Variants in WDR33 observed in about 807,000 individuals in gnomAD.
WDR33 encodes pre-mRNA 3' end processing protein WDR33.
Under a neutral mutation model 164.9 loss-of-function variants are expected in WDR33, and 47 were observed. The ratio of observed to expected loss-of-function variants is 0.29; its 90% CI spans 0.23 to 0.36. The LOEUF is 0.36. WDR33 is among the 10% of genes least tolerant of loss of function. WDR33 has a pLI of 1.00. For synonymous variants in WDR33, 505 were observed against 589.0 expected (o/e 0.86, Z 2.06); for missense variants, 1,137 against 1,754.1 (o/e 0.65, Z 6.28).
chr2:127,802,297 C>T (rs1248329560), intron 1 of WDR33, among the ~76,000 whole-genome samples: 1 of 152,030 alleles, frequency 6.6e-6, no homozygotes, highest in East Asian at 1.9e-4. Context: ...AGAATATACA[C>T]AGTAAAAACT....
Position 127,713,812 on chromosome 2 carries a change from G to A in WDR33, c.3079C>T (p.His1027Tyr). The A allele has an allele frequency of 6.2e-7, 1 of 1,614,246 alleles. No homozygotes were observed. Among genetic ancestry groups the A allele is most frequent in the Non-Finnish European group, 8.5e-7 (1 of 1,180,042 alleles). ...CGCCCCTCAAATTCACGTAACCGGT[G>A]GCCAAAGCGCTTGTCAGGGTGGAAG... ...DDFHPDKRFGHRLREFEGRGG... is the reference protein window; with the variant it reads ...DDFHPDKRFGYRLREFEGRGG... The change falls in exon 18 of 22, where the codon CAC becomes TAC. Residue 1027 changes from histidine (H) to tyrosine (Y), a missense_variant. Coordinates refer to ENST00000322313, the MANE Select transcript of WDR33 (RefSeq NM_018383.5). The surrounding 1 kb of genome is among the most constrained non-coding windows in gnomAD (Gnocchi z 6.2).
intron 7 of WDR33, among the ~76,000 whole-genome samples, chr2:127,759,195 T>C (rs1687606016): frequency 6.6e-6 from 1 of 152,216 alleles, no homozygotes; most frequent in Non-Finnish European, 1.5e-5. Context: ...GACATATACA[T>C]AGTGCTTCTC....
intron 7 of WDR33, among the ~76,000 whole-genome samples, chr2:127,730,472 AC>A (rs10715908): frequency 0.04 from 6,100 of 151,928 alleles, 362 homozygotes; most frequent in African/African-American, 0.13. Flanking sequence ...TTAAAAAAAA[AC>A]CTTTGATATG....
At chr2:127,762,637 AACACTAAG>A in intron 7 of WDR33, 1 of 988,818 alleles carries the variant, frequency 1.0e-6, no homozygotes, top group Non-Finnish European at 1.2e-6. Flanking sequence ...CAAAAATAGT[AACACTAAG>A]AAGTGTAGCT....
chr2:127,796,247 A>G (rs1457098953), intron 1 of WDR33, among the ~76,000 whole-genome samples: 2 of 151,560 alleles, frequency 1.3e-5, no homozygotes, highest in East Asian at 1.9e-4. Context: ...TAATTTTTGT[A>G]TATTTTTTTA....
chr2:127,711,768 A>ATTTTTTTTTTTTTT lies in WDR33; in HGVS notation c.3308+1814_3308+1815insAAAAAAAAAAAAAA, dbSNP rs1441301170. ...CATATACAGATATATATATATATAT[A>ATTTTTTTTTTTTTT]TATATATATATATTTTTTTTTTGAG... On this transcript the variant is annotated intron_variant, in intron 18 of 21. Transcript: ENST00000322313. Among the ~76,000 whole-genome samples the ATTTTTTTTTTTTTT allele has an allele frequency of 3.3e-4, 23 of 70,266 alleles. 1 individual carries two copies. Among genetic ancestry groups the ATTTTTTTTTTTTTT allele is most frequent in the African/African-American group, 4.4e-4 (4 of 8,998 alleles). The allele number at this position is 70,266 out of a possible 152,430, so 46.1% of individuals were successfully genotyped here.
At position 127,702,914 on chromosome 2, in the gene WDR33, A is replaced by G. The variant is rs1388255163; in HGVS notation, c.*3409T>C. 6.0e-6 allele frequency: 1 copy of G among 167,062 alleles called. No homozygotes were observed. The highest frequency in any genetic ancestry group is 2.4e-5 in the African/African-American group (1 of 41,474). The allele number at this position is 167,062 out of a possible 1,614,324, so 10.3% of individuals were successfully genotyped here. A position where few individuals can be genotyped will look rare whatever the true frequency, so the allele number is the denominator to read the frequency against. ...ATCCTGCAAATAGAAAGATAATTCT[A>G]GATCCGGAATACCTGTATCTGGTGG... On this transcript the variant is annotated 3_prime_UTR_variant, in exon 22 of 22. Transcript: ENST00000322313.
chr2:127,790,243 T>C (rs1371226090), intron 1 of WDR33, among the ~76,000 whole-genome samples: 1 of 152,262 alleles, frequency 6.6e-6, no homozygotes, highest in Non-Finnish European at 1.5e-5. Flanking sequence ...TAAATTATCC[T>C]GACTGATTTT....
rs931431905 is a variant in WDR33 at position 127,763,643 on chromosome 2, T to C, written c.627-484A>G. ...AGACTGATTGCTAAACATCCCTACA[T>C]ACAATGTTTCTCATCCATTTCAAAG... On this transcript the variant is annotated intron_variant, in intron 6 of 21. Coordinates refer to ENST00000322313, the MANE Select transcript of WDR33 (RefSeq NM_018383.5). The surrounding 1 kb of genome is among the most constrained non-coding windows in gnomAD (Gnocchi z 4.5). 1.5e-5 allele frequency: 15 copies of C among 987,698 alleles called. No homozygotes were observed. Among genetic ancestry groups the C allele is most frequent in the Non-Finnish European group, 1.8e-5 (15 of 831,500 alleles). 61.2% of individuals were successfully genotyped at this position (987,698 alleles called of 1,614,324 possible). A position where few individuals can be genotyped will look rare whatever the true frequency, so the allele number is the denominator to read the frequency against.
At chr2:127,788,488 C>A (rs1316918368) in intron 1 of WDR33, among the ~76,000 whole-genome samples, 1 of 130,828 alleles carries the variant, frequency 7.6e-6, no homozygotes. Flanking sequence ...ACCCCCACCT[C>A]CCTCCCGGAC....
rs1417043907 is a variant in WDR33 at position 127,725,219 on chromosome 2, G to A, written c.852-4C>T. 2 of 1,579,970 alleles carry A rather than the reference G, an allele frequency of 1.3e-6. No individual in the cohort carries two copies. The highest frequency in any genetic ancestry group is 1.7e-6 in the Non-Finnish European group (2 of 1,170,146). On this transcript the variant is annotated splice_region_variant and splice_polypyrimidine_tract_variant and intron_variant, in intron 8 of 21. Coordinates refer to ENST00000322313, the MANE Select transcript of WDR33 (RefSeq NM_018383.5). ...TACTGTGTTTTTATGGGCATGACTA[G>A]AAACAAAGTATCAAAAAAAAATGTC...
At chr2:127,727,294 G>A (rs1359881620) in intron 7 of WDR33, among the ~76,000 whole-genome samples, 1 of 152,186 alleles carries the variant, frequency 6.6e-6, no homozygotes, top group African/African-American at 2.4e-5. Flanking sequence ...TTACTGAAAT[G>A]CAGGAGAAAT....
rs71307275 is a variant in WDR33 at position 127,740,346 on chromosome 2, T to TACACACACACAC, written c.725-13581_725-13570dup. On this transcript the variant is annotated intron_variant, in intron 7 of 21. Transcript: ENST00000322313. ...ACTTTGGGAGGGATTTGTATTTCTCTACACACACACACACACACACACACA... is the reference window on the plus strand; with the variant it reads ...ACTTTGGGAGGGATTTGTATTTCTCTACACACACACACACACACACACACACACACACACACA... 2.0e-3 allele frequency among the ~76,000 whole-genome samples: 304 copies of TACACACACACAC among 149,798 alleles called. 1 individual carries two copies. The highest frequency in any genetic ancestry group is 0.017 in the Middle Eastern group (5 of 292).
In WDR33 at chr2:127,723,622, G is replaced by A. The variant is rs368556378; in HGVS notation, c.1197-275C>T. Among the ~76,000 whole-genome samples, 1 of 151,776 alleles carries A rather than the reference G, an allele frequency of 6.6e-6. No individual in the cohort carries two copies. The highest frequency in any genetic ancestry group is 1.5e-5 in the Non-Finnish European group (1 of 67,984). On this transcript the variant is annotated intron_variant, in intron 11 of 21. Transcript: ENST00000322313. This position sits in a 1 kb window ranked among gnomAD's most constrained non-coding sequence, Gnocchi z 5.9. ...ATAAAAATTAAAAAGTTAGCTGGGT[G>A]TGGTGGCACACACCTGTAGTCTCAG...
Position 127,741,265 on chromosome 2 carries a change from G to C in WDR33, c.725-14488C>G, listed in dbSNP as rs953516885. Among the ~76,000 whole-genome samples the C allele has an allele frequency of 6.6e-6, 1 of 152,136 alleles. No individual in the cohort carries two copies. The highest frequency in any genetic ancestry group is 1.5e-5 in the Non-Finnish European group (1 of 68,030). On this transcript the variant is annotated intron_variant, in intron 7 of 21. Transcript: ENST00000322313. The surrounding 1 kb of genome is among the most constrained non-coding windows in gnomAD (Gnocchi z 4.1). ...AGCACAAAGTCTGCAGAAATGCCACGGATGACACTGAAAATGGAAAGAAGT... is the reference window on the plus strand; with the variant it reads ...AGCACAAAGTCTGCAGAAATGCCACCGATGACACTGAAAATGGAAAGAAGT...
In WDR33 at chr2:127,709,739, C is replaced by G. The variant is rs770550267; in HGVS notation, c.3426G>C (p.Ala1142=). Residue 1142 remains alanine (A), a synonymous_variant, in exon 19 of 22, where the codon GCG becomes GCC. Coordinates refer to ENST00000322313, the MANE Select transcript of WDR33 (RefSeq NM_018383.5). The surrounding 1 kb of genome is among the most constrained non-coding windows in gnomAD (Gnocchi z 5.0). ...GACCTCTGAGATCTCGTCCTCGGGCCGCTTCCTCAGAAGCATCAAAATTCT... is the reference window on the plus strand; with the variant it reads ...GACCTCTGAGATCTCGTCCTCGGGCGGCTTCCTCAGAAGCATCAAAATTCT... ...PEENFDASEE[A]ARGRDLRGRG... 6.2e-7 allele frequency: 1 copy of G among 1,614,106 alleles called. No homozygotes were observed. Among genetic ancestry groups the G allele is most frequent in the South Asian group, 1.1e-5 (1 of 91,084 alleles).
intron 7 of WDR33, chr2:127,736,159 T>G: frequency 1.0e-6 from 1 of 985,320 alleles, no homozygotes; most frequent in African/African-American, 1.7e-5. Context: ...TGGTCACGAG[T>G]CTTCTTTTCT....
In WDR33 at chr2:127,705,930, G is replaced by A. The variant is rs1224196178; in HGVS notation, c.*393C>T. The A allele has an allele frequency of 5.6e-6, 1 of 179,606 alleles. No homozygotes were observed. The highest frequency in any genetic ancestry group is 1.5e-4 in the East Asian group (1 of 6,854). 11.1% of individuals were successfully genotyped at this position (179,606 alleles called of 1,614,324 possible). ...CACAACTAGTTTTCTGTCAATTCTT[G>A]CGTAAATCACATTCTGTATTCATAC... On this transcript the variant is annotated 3_prime_UTR_variant, in exon 22 of 22. Transcript: ENST00000322313. This position sits in a 1 kb window ranked among gnomAD's most constrained non-coding sequence, Gnocchi z 4.5.
rs1686086545 is a variant in WDR33, at chr2:127,708,982, G to A, written c.3566-90C>T. ...ACTGTGAGAGTAAGGAGCAACTCGA[G>A]AGCCACCGTTCACTCATGCTGAATG... On this transcript the variant is annotated intron_variant, in intron 20 of 21. Transcript: ENST00000322313. This position sits in a 1 kb window ranked among gnomAD's most constrained non-coding sequence, Gnocchi z 6.7. 9 of 1,345,318 alleles carry A rather than the reference G, an allele frequency of 6.7e-6. No homozygotes were observed. 83.3% of individuals were successfully genotyped at this position (1,345,318 alleles called of 1,614,324 possible).
Sources: gnomAD v4.1 joint callset for allele counts (sites outside exome capture counted in the v4.1 genomes callset) on GRCh38, gnomAD v4.1.1 for gene constraint, Gnocchi (gnomAD v3.1) non-coding constraint, MANE v1.5 for transcripts, NCBI Gene and HGNC (gene_info 2026-07-23, HGNC 2026-07-21) for gene names.